The following BCAR3 variants were observed in gnomAD, a reference collection of about 807,000 sequenced individuals.
The protein encoded by BCAR3 is BCAR3 adaptor protein, NSP family member, also known as breast cancer anti-estrogen resistance protein 3.
BCAR3 carries 37 observed loss-of-function variants against 80.1 expected under a neutral mutation model. The ratio of observed to expected loss-of-function variants is 0.46; its 90% CI spans 0.36 to 0.61. BCAR3 has a LOEUF of 0.61. BCAR3 is among the 20% of genes least tolerant of loss of function. The probability of loss-of-function intolerance (pLI) is 0.00; values close to 1 mark genes in which losing one functional copy is unlikely to be tolerated. For missense variants in BCAR3, 978 were observed against 1,068.2 expected (o/e 0.92, Z 1.18); for synonymous variants, 389 against 418.9 (o/e 0.93, Z 0.87).
chr1:93,763,265 T>C (rs962727124), intron 2 of BCAR3, among the ~76,000 whole-genome samples: 3 of 152,182 alleles, frequency 2.0e-5, no homozygotes, highest in African/African-American at 7.2e-5. Flanking sequence ...GGTCTCACCA[T>C]GTTGCCCAGG....
chr1:93,592,603 A>G lies in BCAR3; in HGVS notation c.358-210T>C, dbSNP rs561949641. The G allele has an allele frequency of 1.2e-4, 65 of 543,840 alleles. 1 individual carries two copies. In the East Asian group the frequency reaches 2.0e-3, roughly 16 times the overall value. 33.7% of individuals were successfully genotyped at this position (543,840 alleles called of 1,614,324 possible). A position where few individuals can be genotyped will look rare whatever the true frequency, so the allele number is the denominator to read the frequency against. On this transcript the variant is annotated intron_variant, in intron 3 of 11. Coordinates refer to ENST00000260502, the MANE Select transcript of BCAR3 (RefSeq NM_003567.4). This position sits in a 1 kb window ranked among gnomAD's most constrained non-coding sequence, Gnocchi z 4.8. Reference sequence around the variant, plus strand: ...AAATTTTCACCTGCACATGGGGACTATGGTAGGAGAGTCCACCAAGAGGTT... The same window carrying G: ...AAATTTTCACCTGCACATGGGGACTGTGGTAGGAGAGTCCACCAAGAGGTT...
chr1:93,689,992 C>A (rs1649136466), intron 3 of BCAR3, among the ~76,000 whole-genome samples: 1 of 152,208 alleles, frequency 6.6e-6, no homozygotes, highest in South Asian at 2.1e-4. Context: ...CTAAAATGCT[C>A]ATGGCAGCAT....
intron 2 of BCAR3, among the ~76,000 whole-genome samples, chr1:93,735,194 C>G (rs1172674812): frequency 6.6e-6 from 1 of 152,200 alleles, no homozygotes; most frequent in African/African-American, 2.4e-5. Context: ...TCTGGTGCCC[C>G]CTCTGGCCTG....
chr1:93,809,649 T>A (rs903548036), intron 2 of BCAR3, among the ~76,000 whole-genome samples: 6 of 151,614 alleles, frequency 4.0e-5, no homozygotes, highest in African/African-American at 1.5e-4. Context: ...GTGCCTGTAA[T>A]CCCAACCACT....
At chr1:93,573,226 A>G (rs1030766229) in intron 8 of BCAR3, among the ~76,000 whole-genome samples, 5 of 152,036 alleles carry the variant, frequency 3.3e-5, no homozygotes, top group African/African-American at 1.2e-4. Context: ...GCTAAACCCC[A>G]TCTCTACTAA....
chr1:93,698,038 C>A (rs895713238), intron 3 of BCAR3, among the ~76,000 whole-genome samples: 3 of 152,312 alleles, frequency 2.0e-5, no homozygotes, highest in Middle Eastern at 6.8e-3. Flanking sequence ...CTGGCACATC[C>A]AGGCTACCTT....
chr1:93,629,959 A>T (rs1675562563), intron 3 of BCAR3, among the ~76,000 whole-genome samples: 1 of 152,204 alleles, frequency 6.6e-6, no homozygotes, highest in South Asian at 2.1e-4. Context: ...ACACCGAAGG[A>T]TTTCTGGAAA....
At chr1:93,752,865 GC>G (rs1651609972) in intron 2 of BCAR3, 1 of 152,232 alleles carries the variant, frequency 6.6e-6, no homozygotes, top group South Asian at 2.1e-4. Context: ...CGAAACTGTT[GC>G]CTTTTGACTC....
intron 2 of BCAR3, among the ~76,000 whole-genome samples, chr1:93,659,133 A>G (rs1055739143): frequency 6.6e-6 from 1 of 152,168 alleles, no homozygotes. Flanking sequence ...TCAAAATCTT[A>G]GCTGGGGATA....
chr1:93,847,932 G>A (rs559883683), upstream of BCAR3: 37 of 246,920 alleles, frequency 1.5e-4, no homozygotes, highest in South Asian at 1.6e-3. Context: ...CGAAGGAAAA[G>A]CGACACTGAA....
chr1:93,594,076 T>G (rs6671749), intron 3 of BCAR3, among the ~76,000 whole-genome samples: 20,519 of 152,126 alleles, frequency 0.13, 2,792 homozygotes, highest in African/African-American at 0.34. Context: ...TGGAATGCAG[T>G]TTGTCAACTC....
At chr1:93,601,300 G>A (rs1021741558) in intron 3 of BCAR3, among the ~76,000 whole-genome samples, 1 of 152,124 alleles carries the variant, frequency 6.6e-6, no homozygotes, top group Non-Finnish European at 1.5e-5. Flanking sequence ...TCTGGCCCTC[G>A]ATAATTTAGT....
At chr1:93,587,170 G>A (rs1403881118) in intron 5 of BCAR3, among the ~76,000 whole-genome samples, 29 of 152,226 alleles carry the variant, frequency 1.9e-4, no homozygotes. Context: ...TTCCTATAGA[G>A]TTGTTTGAGC....
chr1:93,642,388 A>G, intron 2 of BCAR3, 45 bp from the exon 3 acceptor site: 2 of 1,539,778 alleles, frequency 1.3e-6, no homozygotes, highest in Non-Finnish European at 1.8e-6. Context: ...GGAACGATGC[A>G]TTCTTACATT....
At chr1:93,585,585 C>T (rs1030841459) in intron 5 of BCAR3, among the ~76,000 whole-genome samples, 14 of 152,208 alleles carry the variant, frequency 9.2e-5, no homozygotes, top group African/African-American at 3.1e-4. Flanking sequence ...CATTAATTCC[C>T]TGCTTCGACC....
At chr1:93,621,486 T>C (rs1675309568) in intron 3 of BCAR3, among the ~76,000 whole-genome samples, 1 of 151,824 alleles carries the variant, frequency 6.6e-6, no homozygotes, top group African/African-American at 2.4e-5. Flanking sequence ...GGAAGGGAGG[T>C]GAGAATACCT....
rs1481120416 is a variant in BCAR3, at chr1:93,681,807, C to T, written c.-221G>A. On this transcript the variant is annotated 5_prime_UTR_variant, in exon 1 of 12. Coordinates refer to ENST00000260502, the MANE Select transcript of BCAR3 (RefSeq NM_003567.4). ...GCTCCGGCTCCGGTCCCGGCCCCGT[C>T]CCCCGCCCGGCCAGCAGCAGGCGCA... 6.6e-6 allele frequency: 1 copy of T among 152,112 alleles called. No homozygotes were observed. Among genetic ancestry groups the T allele is most frequent in the Non-Finnish European group, 1.5e-5 (1 of 68,070 alleles). 9.4% of individuals were successfully genotyped at this position (152,112 alleles called of 1,614,324 possible).
At position 93,699,511 on chromosome 1, in the gene BCAR3, G is replaced by A. The variant is rs540258396; in HGVS notation, c.-12+6581C>T. Among the ~76,000 whole-genome samples, 45 of 152,230 alleles carry A rather than the reference G, an allele frequency of 3.0e-4. No homozygotes were observed. In the South Asian group the frequency reaches 6.4e-3, roughly 22 times the overall value. On this transcript the variant is annotated intron_variant, in intron 3 of 13. Coordinates refer to the BCAR3 transcript ENST00000370244. ...TAAAGCTGTACCTTGTTGCGGGGGC[G>A]GGGGTGGATGGGCAGAAGAACTCAT...
Position 93,571,770 on chromosome 1 carries a change from G to A in BCAR3, c.1874C>T (p.Ala625Val). 1 of 1,614,120 alleles carries A rather than the reference G, an allele frequency of 6.2e-7. No individual in the cohort carries two copies. Among genetic ancestry groups the A allele is most frequent in the Non-Finnish European group, 8.5e-7 (1 of 1,180,022 alleles). The change falls in exon 9 of 12, where the codon GCC becomes GTC. Residue 625 changes from alanine (A) to valine (V), a missense_variant. Ala to Val is a moderately conservative substitution (Grantham distance 64, BLOSUM62 0). Transcript: ENST00000260502. ...GCTGTLEDRA[A>V]TLSKIIQVAV... ...CACCTGGATGATCTTACTCAGAGTG[G>A]CCGCTCGGTCCTCCAAAGTGCCCGT...
Sources: gnomAD v4.1 joint callset for allele counts (sites outside exome capture counted in the v4.1 genomes callset) on GRCh38, gnomAD v4.1.1 for gene constraint, Gnocchi (gnomAD v3.1) non-coding constraint, MANE v1.5 for transcripts, NCBI Gene and HGNC (gene_info 2026-07-23, HGNC 2026-07-21) for gene names.